HEATR4: variants seen among roughly 807,000 people sequenced by gnomAD.
The protein encoded by HEATR4 is HEAT repeat-containing protein 4.
HEATR4 carries 95 observed loss-of-function variants against 108.8 expected under a neutral mutation model. The ratio of observed to expected loss-of-function variants is 0.87; its 90% CI spans 0.74 to 1.04. HEATR4 has a LOEUF of 1.04. HEATR4 is among the 50% of genes least tolerant of loss of function. The probability of loss-of-function intolerance (pLI) is 0.00; values close to 1 mark genes in which losing one functional copy is unlikely to be tolerated. For missense variants in HEATR4, 1,152 were observed against 1,253.8 expected, an observed-to-expected ratio of 0.92 and a Z score of 1.23; for synonymous variants, 443 against 459.4, an observed-to-expected ratio of 0.96 and a Z score of 0.46.
chr14:73,530,058 G>C (rs933435680), intron 2 of HEATR4, 108 bp downstream of exon 2: 1 of 135,792 alleles, frequency 7.4e-6, no homozygotes, highest in African/African-American at 2.6e-5. Context: ...TGCCTCCCAG[G>C]CTCAAGCAAT....
Position 73,492,930 on chromosome 14 carries a change from T to C in HEATR4, c.2844+136A>G. 3 of 1,612,838 alleles carry C rather than the reference T, an allele frequency of 1.9e-6. No individual in the cohort carries two copies. Among genetic ancestry groups the C allele is most frequent in the East Asian group, 2.2e-5 (1 of 44,848 alleles). On this transcript the variant is annotated intron_variant, in intron 17 of 17. Coordinates refer to ENST00000553558, the MANE Select transcript of HEATR4 (RefSeq NM_001220484.1). This position sits in a 1 kb window ranked among gnomAD's most constrained non-coding sequence, Gnocchi z 4.9. ...GGGCTGCTGCTCACTAAGATGCCTC[T>C]AGCCCTAAATTAGTTTCTTGTTGAT... is the stretch of plus-strand genomic sequence containing the variant.
the HEATR4 span, among the ~76,000 whole-genome samples, chr14:73,584,894 T>C: frequency 6.6e-6 from 1 of 151,370 alleles, no homozygotes; most frequent in Non-Finnish European, 1.5e-5. Flanking sequence ...ACAGCTATTC[T>C]AGCACCCCAT....
the HEATR4 span, chr14:73,569,988 C>A: frequency 6.9e-7 from 1 of 1,443,100 alleles, no homozygotes; most frequent in South Asian, 1.4e-5. Context: ...GCCGCGCCCC[C>A]GGGCTATATT....
chr14:73,585,690 A>C, the HEATR4 span, among the ~76,000 whole-genome samples: 7 of 140,152 alleles, frequency 5.0e-5, no homozygotes, highest in African/African-American at 9.6e-5. Context: ...CTAGAACCCC[A>C]AAAAAATTAA....
intron 4 of HEATR4, 147 bp from the exon 5 acceptor site, chr14:73,519,310 C>T: frequency 1.5e-6 from 1 of 647,214 alleles, no homozygotes; most frequent in African/African-American, 1.8e-5. Context: ...TGGGGCATCC[C>T]TTGAAGGTGA....
At chr14:73,512,177 A>G in intron 6 of HEATR4, 28 bp from the exon 7 acceptor site, 1 of 1,613,512 alleles carries the variant, frequency 6.2e-7, no homozygotes. Context: ...AAATGAAAAG[A>G]GAACCACCTG....
chr14:73,478,773 C>CTTTG lies in HEATR4; in HGVS notation c.2910_2913dup (p.Val972GlnfsTer24). 6.2e-7 allele frequency: 1 copy of CTTTG among 1,613,934 alleles called. No individual in the cohort carries two copies. The highest frequency in any genetic ancestry group is 8.5e-7 in the Non-Finnish European group (1 of 1,179,980). ...AGATCTTTGACAAGTGATGAACGAA[C>CTTTG]TTTGCTTCGTGTGGTTAGGCCTGGG... On this transcript the variant is annotated frameshift_variant, in exon 18 of 18. Coordinates refer to ENST00000553558, the MANE Select transcript of HEATR4 (RefSeq NM_001220484.1). LOFTEE classifies it high-confidence loss of function.
At position 73,478,721 on chromosome 14, in the gene HEATR4, G is replaced by C. The variant is rs1461899734; in HGVS notation, c.2966C>G (p.Ala989Gly). 1 of 1,613,972 alleles carries C rather than the reference G, an allele frequency of 6.2e-7. No homozygotes were observed. The highest frequency in any genetic ancestry group is 2.2e-5 in the East Asian group (1 of 44,866). ...DLRTSPEKRI[A>G]VGPFRSDYPA... is the part of the protein sequence containing the mutation. Reference sequence around the variant, plus strand: ...GTAGTCGGATCTAAATGGTCCCACAGCAATCCTTTTCTCGGGGGAGGTGCG... The same window carrying C: ...GTAGTCGGATCTAAATGGTCCCACACCAATCCTTTTCTCGGGGGAGGTGCG... The change falls in exon 18 of 18, where the codon GCT becomes GGT. Residue 989 changes from alanine (A) to glycine (G), a missense_variant. Coordinates refer to ENST00000553558, the MANE Select transcript of HEATR4 (RefSeq NM_001220484.1).
chr14:73,527,894 C>G (rs1224303291), intron 2 of HEATR4, among the ~76,000 whole-genome samples: 1 of 141,346 alleles, frequency 7.1e-6, no homozygotes, highest in African/African-American at 2.7e-5. Flanking sequence ...CAGGAGAGTT[C>G]CTTGAACCTG....
At chr14:73,510,436 G>A (rs1887178222) in intron 7 of HEATR4, among the ~76,000 whole-genome samples, 1 of 140,030 alleles carries the variant, frequency 7.1e-6, no homozygotes, top group Non-Finnish European at 1.6e-5. Flanking sequence ...TTTTGTTTTT[G>A]TTTTTGTTTT....
At chr14:73,522,240 C>T in intron 3 of HEATR4, 32 bp downstream of exon 3, 1 of 1,593,044 alleles carries the variant, frequency 6.3e-7, no homozygotes, top group Non-Finnish European at 8.6e-7. Context: ...CAGGGATTAT[C>T]AAAGGTGCAC....
intron 17 of HEATR4, among the ~76,000 whole-genome samples, chr14:73,490,660 G>A (rs1885647648): frequency 6.6e-6 from 1 of 152,088 alleles, no homozygotes; most frequent in Non-Finnish European, 1.5e-5. Context: ...TCACCATACT[G>A]GTCAGGCTGG....
chr14:73,545,702 T>C lies in HEATR4; in HGVS notation c.-152+13049A>G, dbSNP rs1177390034. Among the ~76,000 whole-genome samples, 2 of 93,698 alleles carry C rather than the reference T, an allele frequency of 2.1e-5. 1 individual carries two copies. The highest frequency in any genetic ancestry group is 2.7e-4 in the Admixed American group (2 of 7,414). The allele number at this position is 93,698 out of a possible 152,430, so 61.5% of individuals were successfully genotyped here. The stretch of plus-strand genomic sequence containing the variant: ...TATCTTTTCCCTTGCAATTATATAG[T>C]ATATGACTCTCTTAGAAAAGTGCAA... On this transcript the variant is annotated intron_variant, in intron 1 of 17. Transcript: ENST00000553558.
At chr14:73,579,233 G>A in the HEATR4 span, among the ~76,000 whole-genome samples, 4 of 130,946 alleles carry the variant, frequency 3.1e-5, no homozygotes, top group African/African-American at 1.1e-4. Flanking sequence ...TCCAGCCTAG[G>A]CAACAAGAAC....
chr14:73,586,201 C>A, the HEATR4 span, among the ~76,000 whole-genome samples: 2 of 151,438 alleles, frequency 1.3e-5, no homozygotes, highest in Non-Finnish European at 2.9e-5. Context: ...CAAGACCAGC[C>A]TGACCAACAT....
chr14:73,608,636 G>A, the HEATR4 span, among the ~76,000 whole-genome samples: 3 of 151,958 alleles, frequency 2.0e-5, no homozygotes, highest in Non-Finnish European at 2.9e-5. Flanking sequence ...CCCTCTAAAC[G>A]GTGCCAACTG....
chr14:73,485,955 C>T (rs1193556819), intron 17 of HEATR4, among the ~76,000 whole-genome samples: 1 of 152,096 alleles, frequency 6.6e-6, no homozygotes, highest in East Asian at 1.9e-4. Flanking sequence ...TTCAAGCAAT[C>T]CACCTGCCTC....
In HEATR4 at chr14:73,492,648, C is replaced by T; in HGVS notation, c.2844+418G>A. The T allele has an allele frequency of 6.2e-7, 1 of 1,613,980 alleles. No homozygotes were observed. Among genetic ancestry groups the T allele is most frequent in the Non-Finnish European group, 8.5e-7 (1 of 1,179,888 alleles). On this transcript the variant is annotated intron_variant, in intron 17 of 17. Transcript: ENST00000553558. The surrounding 1 kb of genome is among the most constrained non-coding windows in gnomAD (Gnocchi z 4.9). ...GTAAACGTGGGGGCCCAGTTGACAA[C>T]AGAAACAGAAGTCCATATGCTTCAG... is the stretch of plus-strand genomic sequence containing the variant.
chr14:73,559,751 A>C (rs1312068690), upstream of HEATR4, among the ~76,000 whole-genome samples: 1 of 151,950 alleles, frequency 6.6e-6, no homozygotes, highest in Non-Finnish European at 1.5e-5. Flanking sequence ...TCAAAAGATA[A>C]AAATAAAAAA....
Sources: allele counts gnomAD v4.1 joint callset (sites outside exome capture counted in the v4.1 genomes callset), GRCh38; gene constraint gnomAD v4.1.1; non-coding constraint Gnocchi (gnomAD v3.1); transcripts MANE v1.5; gene names NCBI Gene and HGNC (gene_info 2026-07-23, HGNC 2026-07-21).